The following SPTB variants were observed in gnomAD, a reference collection of about 807,000 sequenced individuals.
SPTB encodes spectrin beta chain, erythrocytic.
SPTB carries 45 observed loss-of-function variants against 256.2 expected under a neutral mutation model. That is an observed-to-expected ratio of 0.18 (90% CI 0.14 to 0.23). The LOEUF (loss-of-function observed/expected upper bound fraction) is 0.23. SPTB is among the 10% of genes least tolerant of loss of function. The pLI, the probability that SPTB is intolerant of heterozygous loss-of-function variation, is 1.00. For synonymous variants in SPTB, 1,231 were observed against 1,243.1 expected, an observed-to-expected ratio of 0.99 and a Z score of 0.21; for missense variants, 2,715 against 3,040.4, an observed-to-expected ratio of 0.89 and a Z score of 2.52.
chr14:64,865,069 T>C (rs954050317), intron 1 of SPTB, among the ~76,000 whole-genome samples: 1 of 152,062 alleles, frequency 6.6e-6, no homozygotes, highest in Non-Finnish European at 1.5e-5. Context: ...CTCTCTTTGA[T>C]GAGTCTTGAT....
chr14:64,751,946 T>TAAAAAAAAAAAAAAA (rs1566731898), intron 33 of SPTB, among the ~76,000 whole-genome samples: 928 of 90,180 alleles, frequency 0.01, 54 homozygotes, highest in African/African-American at 0.013. Flanking sequence ...AAAAAAAAAT[T>TAAAAAAAAAAAAAAA]AGCCAGGCGT....
Position 64,785,699 on chromosome 14 carries a change from C to T in SPTB, c.3764+50G>A, listed in dbSNP as rs746988344. The T allele has an allele frequency of 6.2e-7, 1 of 1,613,198 alleles. No individual in the cohort carries two copies. The highest frequency in any genetic ancestry group is 1.1e-5 in the South Asian group (1 of 91,050). ...GTCCTCACCAAGCTTGGGGTCCTCACTACCCCCGTGTGGCTCTGGGGGCCT... is the reference window on the plus strand; with the variant it reads ...GTCCTCACCAAGCTTGGGGTCCTCATTACCCCCGTGTGGCTCTGGGGGCCT... On this transcript the variant is annotated intron_variant, in intron 17 of 35. Transcript: ENST00000644917. The surrounding 1 kb of genome is among the most constrained non-coding windows in gnomAD (Gnocchi z 4.4).
chr14:64,777,835 C>T lies in SPTB; in HGVS notation c.4563+1322G>A, dbSNP rs972623086. Among the ~76,000 whole-genome samples, 2 of 152,162 alleles carry T rather than the reference C, an allele frequency of 1.3e-5. No homozygotes were observed. Among genetic ancestry groups the T allele is most frequent in the African/African-American group, 4.8e-5 (2 of 41,428 alleles). On this transcript the variant is annotated intron_variant, in intron 22 of 35. Transcript: ENST00000644917. This position sits in a 1 kb window ranked among gnomAD's most constrained non-coding sequence, Gnocchi z 4.5. ...CTTCATTAGGGCAGTCACGCTGTCC[C>T]AAGAGGCTGCCTTTCCCTTCTTGGT...
In SPTB at chr14:64,795,476, C is replaced by T. The variant is rs769871954; in HGVS notation, c.1505G>A (p.Arg502His). 4.2e-5 allele frequency: 67 copies of T among 1,614,046 alleles called. No individual in the cohort carries two copies. Among genetic ancestry groups the T allele is most frequent in the Non-Finnish European group, 5.3e-5 (62 of 1,180,026 alleles). The stretch of plus-strand genomic sequence containing the variant: ...CCATAGGCGCAGTATATTGTCCTTG[C>T]GGGCCGTGATGCGCTTCTGGTCATG... ...NYHDQKRITARKDNILRLWSY... is the reference protein window; with the variant it reads ...NYHDQKRITAHKDNILRLWSY... The change falls in exon 12 of 36, where the codon CGC becomes CAC. Residue 502 changes from arginine to histidine, a missense_variant. Physicochemically the swap from Arg to His is conservative, Grantham distance 29. This residue lies in a region of SPTB where 2,239 missense variants were observed against 2,384.4 expected (regional missense o/e 0.94). Transcript: ENST00000644917. This position sits in a 1 kb window ranked among gnomAD's most constrained non-coding sequence, Gnocchi z 6.5.
intron 30 of SPTB, 44 bp downstream of exon 30, chr14:64,767,619 C>T: frequency 1.2e-6 from 2 of 1,609,810 alleles, no homozygotes; most frequent in East Asian, 4.5e-5. Context: ...CCTGGGGGCA[C>T]AGTTGCCACC....
chr14:64,750,074 A>G lies in SPTB; in HGVS notation c.6683T>C (p.Met2228Thr), dbSNP rs765080927. The change falls in exon 34 of 36, where the codon ATG becomes ACG. Residue 2228 changes from methionine (M) to threonine (T), a missense_variant. Around this residue, in one of 4 missense-constraint regions of SPTB, gnomAD observed 2,239 missense variants for 2,384.4 expected, o/e 0.94. Coordinates refer to ENST00000644917, the MANE Select transcript of SPTB (RefSeq NM_001355436.2). ...CAGGGGTTCCTCCCCATGGTAGGGCATCCCCAGGGCCAGGTTCTTGGCATC... is the reference window on the plus strand; with the variant it reads ...CAGGGGTTCCTCCCCATGGTAGGGCGTCCCCAGGGCCAGGTTCTTGGCATC... The part of the protein sequence containing the change: ...YKDAKNLALG[M>T]PYHGEEPLAL... 3 of 1,614,202 alleles carry G rather than the reference A, an allele frequency of 1.9e-6. No homozygotes were observed. In the South Asian group the frequency reaches 3.3e-5, roughly 18 times the overall value.
rs780824939 is a variant in SPTB at position 64,759,560 on chromosome 14, C to T, written c.6346-5767G>A. ...GGGGACTGCCTTACCCGACAGGAGGCGAGATCTATGGACAGAGAGCACCAG... is the reference window on the plus strand; with the variant it reads ...GGGGACTGCCTTACCCGACAGGAGGTGAGATCTATGGACAGAGAGCACCAG... On this transcript the variant is annotated intron_variant, in intron 32 of 35. Transcript: ENST00000644917. The surrounding 1 kb of genome is among the most constrained non-coding windows in gnomAD (Gnocchi z 4.8). Among the ~76,000 whole-genome samples, 6 of 152,198 alleles carry T rather than the reference C, an allele frequency of 3.9e-5. No homozygotes were observed. Among genetic ancestry groups the T allele is most frequent in the Admixed American group, 6.5e-5 (1 of 15,290 alleles).
intron 1 of SPTB, among the ~76,000 whole-genome samples, chr14:64,876,349 C>A (rs1426355034): frequency 6.6e-6 from 1 of 152,050 alleles, no homozygotes; most frequent in Non-Finnish European, 1.5e-5. Flanking sequence ...CCAGGCTGGT[C>A]TCGAACTCCT....
chr14:64,830,442 G>A (rs924032711), intron 1 of SPTB, among the ~76,000 whole-genome samples: 31 of 151,190 alleles, frequency 2.1e-4, no homozygotes, highest in African/African-American at 7.1e-4. Context: ...GCAGTGGCAC[G>A]ATCTTGGCTC....
At chr14:64,813,479 G>C (rs565051019) in intron 2 of SPTB, among the ~76,000 whole-genome samples, 112 of 152,228 alleles carry the variant, frequency 7.4e-4, no homozygotes, top group Non-Finnish European at 1.3e-3. Context: ...CCAAGAGCTT[G>C]GGGAACCAGA....
chr14:64,862,293 C>G (rs139157284), intron 1 of SPTB, among the ~76,000 whole-genome samples: 1 of 152,160 alleles, frequency 6.6e-6, no homozygotes, highest in Non-Finnish European at 1.5e-5. Context: ...TCTCCCTCCC[C>G]TCAAGTGCCA....
chr14:64,750,647 A>G (rs1186831096), intron 33 of SPTB, among the ~76,000 whole-genome samples: 6 of 151,970 alleles, frequency 3.9e-5, no homozygotes, highest in African/African-American at 1.4e-4. Context: ...TTGGTGGCGC[A>G]TGCCTGCAGT....
At chr14:64,809,543 C>A (rs34652654) in intron 2 of SPTB, among the ~76,000 whole-genome samples, 1 of 152,012 alleles carries the variant, frequency 6.6e-6, no homozygotes, top group Non-Finnish European at 1.5e-5. Context: ...GATGGGGTTT[C>A]GCCATATTGG....
At chr14:64,846,152 G>A (rs2083688652) in intron 1 of SPTB, among the ~76,000 whole-genome samples, 1 of 152,278 alleles carries the variant, frequency 6.6e-6, no homozygotes, top group African/African-American at 2.4e-5. Flanking sequence ...CAGGATGACT[G>A]GAATTCCCTT....
At chr14:64,805,527 G>A (rs1026865747) in intron 2 of SPTB, among the ~76,000 whole-genome samples, 2 of 152,124 alleles carry the variant, frequency 1.3e-5, no homozygotes, top group Non-Finnish European at 2.9e-5. Flanking sequence ...TCCTTTAAGA[G>A]CCAGTATAAA....
intron 1 of SPTB, among the ~76,000 whole-genome samples, chr14:64,854,669 G>A (rs910510481): frequency 6.6e-6 from 1 of 152,086 alleles, no homozygotes; most frequent in African/African-American, 2.4e-5. Context: ...AGCTAGTCGT[G>A]TAGGATTTCC....
chr14:64,870,604 A>G (rs915756259), intron 1 of SPTB, among the ~76,000 whole-genome samples: 5 of 152,258 alleles, frequency 3.3e-5, no homozygotes, highest in African/African-American at 1.2e-4. Context: ...ACCCAAAGAC[A>G]GTGTTCTGAA....
In SPTB at chr14:64,760,052, G is replaced by A. The variant is rs2082070859; in HGVS notation, c.6346-6259C>T. 6.6e-6 allele frequency among the ~76,000 whole-genome samples: 1 copy of A among 152,192 alleles called. No individual in the cohort carries two copies. The highest frequency in any genetic ancestry group is 1.5e-5 in the Non-Finnish European group (1 of 68,038). ...ATTGGTTGCTGGTTGACAGGGATCA[G>A]TGGAGAAGAGGGCACAGCCCTTTTG... On this transcript the variant is annotated intron_variant, in intron 32 of 35. Coordinates refer to ENST00000644917, the MANE Select transcript of SPTB (RefSeq NM_001355436.2). This position sits in a 1 kb window ranked among gnomAD's most constrained non-coding sequence, Gnocchi z 4.3.
At position 64,775,189 on chromosome 14, in the gene SPTB, G is replaced by T. The variant is rs778870352; in HGVS notation, c.4778C>A (p.Ala1593Glu). ...GCCAATCCAGGCCTCAGCCTCGTCT[G>T]CATCCAGGTAGTACTGCTGTGCCTC... The part of the protein sequence containing the change: ...ANEAQQYYLD[A>E]DEAEAWIGEQ... The change falls in exon 23 of 36, where the codon GCA (alanine) becomes GAA (glutamate). Residue 1593 changes from alanine (A) to glutamate (E), a missense_variant. By Grantham distance (107) the Ala-to-Glu change is moderately radical (BLOSUM62 -1). Around this residue, in one of 4 missense-constraint regions of SPTB, gnomAD observed 2,239 missense variants for 2,384.4 expected, o/e 0.94. Coordinates refer to ENST00000644917, the MANE Select transcript of SPTB (RefSeq NM_001355436.2). This position sits in a 1 kb window ranked among gnomAD's most constrained non-coding sequence, Gnocchi z 5.0. The T allele has an allele frequency of 9.9e-6, 16 of 1,613,958 alleles. No individual in the cohort carries two copies. The highest frequency in any genetic ancestry group is 5.0e-5 in the Admixed American group (3 of 60,032).
Sources: allele counts gnomAD v4.1 joint callset (sites outside exome capture counted in the v4.1 genomes callset), GRCh38; gene constraint gnomAD v4.1.1; regional missense constraint gnomAD v4.1.1; non-coding constraint Gnocchi (gnomAD v3.1); transcripts MANE v1.5; gene names NCBI Gene and HGNC (gene_info 2026-07-23, HGNC 2026-07-21).